The following ANO3 variants were observed in gnomAD, a reference collection of about 807,000 sequenced individuals.
ANO3 encodes anoctamin-3.
A neutral mutation model predicts 144.8 loss-of-function variants in ANO3; 99 were observed. The ratio of observed to expected loss-of-function variants is 0.68; its 90% CI spans 0.58 to 0.81. The LOEUF (loss-of-function observed/expected upper bound fraction) is 0.81, where lower values mean the gene tolerates loss of function less well. ANO3 is among the 30% of genes least tolerant of loss of function. ANO3 has a pLI of 0.00. For synonymous variants in ANO3, 414 were observed against 392.6 expected, an observed-to-expected ratio of 1.05 and a Z score of -0.64; for missense variants, 905 against 1,202.2, an observed-to-expected ratio of 0.75 and a Z score of 3.66.
chr11:26,437,298 G>A (rs957750388), intron 1 of ANO3, among the ~76,000 whole-genome samples: 5 of 152,162 alleles, frequency 3.3e-5, no homozygotes, highest in Non-Finnish European at 5.9e-5. Flanking sequence ...TGGCTGCTCT[G>A]CCGAGACTCC....
intron 1 of ANO3, among the ~76,000 whole-genome samples, chr11:26,378,349 A>G (rs372951667): frequency 2.7e-5 from 4 of 148,182 alleles, no homozygotes; most frequent in African/African-American, 7.4e-5. Flanking sequence ...GATTATATAT[A>G]TCTATAAATA....
At chr11:26,492,386 T>C (rs531272337) in intron 4 of ANO3, among the ~76,000 whole-genome samples, 1 of 152,332 alleles carries the variant, frequency 6.6e-6, no homozygotes, top group South Asian at 2.1e-4. Context: ...TAATGTCTGA[T>C]TAGTAGAACT....
chr11:26,471,151 G>A (rs978211901), intron 4 of ANO3, among the ~76,000 whole-genome samples: 4 of 152,036 alleles, frequency 2.6e-5, no homozygotes, highest in South Asian at 4.1e-4. Flanking sequence ...TAACAGAAAC[G>A]TTTATTGCCC....
At chr11:26,594,634 C>T (rs1345918299) in intron 14 of ANO3, among the ~76,000 whole-genome samples, 1 of 151,970 alleles carries the variant, frequency 6.6e-6, no homozygotes, top group Non-Finnish European at 1.5e-5. Context: ...CATTGTTTAC[C>T]CCTTTGTCTA....
intron 1 of ANO3, among the ~76,000 whole-genome samples, chr11:26,266,602 T>C (rs899764322): frequency 1.1e-4 from 16 of 151,492 alleles, no homozygotes; most frequent in Admixed American, 7.9e-4. Flanking sequence ...CCCCGGCTAA[T>C]TTTTGTATTT....
At chr11:26,212,513 C>T (rs1851955437) in intron 1 of ANO3, among the ~76,000 whole-genome samples, 1 of 151,984 alleles carries the variant, frequency 6.6e-6, no homozygotes, top group Non-Finnish European at 1.5e-5. Context: ...TACCTCTATG[C>T]AAATAAACTA....
chr11:26,656,592 G>A, intron 26 of ANO3, 111 bp downstream of exon 26: 1 of 715,716 alleles, frequency 1.4e-6, no homozygotes, highest in Non-Finnish European at 2.4e-6. Flanking sequence ...CACTTAAGTA[G>A]GTCCCGTAAA....
chr11:26,245,473 G>A (rs1348117834), intron 1 of ANO3, among the ~76,000 whole-genome samples: 1 of 152,042 alleles, frequency 6.6e-6, no homozygotes, highest in Non-Finnish European at 1.5e-5. Flanking sequence ...CTGTTTCTTA[G>A]ATTACTTTCT....
chr11:26,221,657 A>G (rs1434428161), intron 1 of ANO3, among the ~76,000 whole-genome samples: 1 of 152,212 alleles, frequency 6.6e-6, no homozygotes, highest in Non-Finnish European at 1.5e-5. Context: ...GAAGTATGGC[A>G]TTGGCATCTA....
At chr11:26,589,440 A>G (rs116637506) in intron 14 of ANO3, among the ~76,000 whole-genome samples, 6,198 of 151,422 alleles carry the variant, frequency 0.041, 150 homozygotes, top group Non-Finnish European at 0.049. Flanking sequence ...GTTTCTACAA[A>G]TAATTTATTG....
intron 1 of ANO3, among the ~76,000 whole-genome samples, chr11:26,378,164 A>G (rs1003174422): frequency 7.2e-5 from 11 of 151,860 alleles, no homozygotes; most frequent in Middle Eastern, 3.2e-3. Context: ...ACAATAATGT[A>G]TAATATCTTG....
chr11:26,386,873 T>C, intron 1 of ANO3, among the ~76,000 whole-genome samples: 1 of 152,124 alleles, frequency 6.6e-6, no homozygotes, highest in East Asian at 1.9e-4. Context: ...GTATGTAAAT[T>C]GTATGTAACG....
In ANO3 at chr11:26,662,208, C is replaced by G. The variant is rs903249961; in HGVS notation, c.*1764C>G. Reference sequence around the variant, plus strand: ...GTTTTTGTCAAGCATATTCACTTTCCTCCTTGTCCTCTGATTCTGAGCAAA... The same window carrying G: ...GTTTTTGTCAAGCATATTCACTTTCGTCCTTGTCCTCTGATTCTGAGCAAA... On this transcript the variant is annotated 3_prime_UTR_variant, in exon 27 of 27. Coordinates refer to ENST00000256737, the MANE Select transcript of ANO3 (RefSeq NM_031418.4). 1.3e-5 allele frequency: 2 copies of G among 151,930 alleles called. No homozygotes were observed. Among genetic ancestry groups the G allele is most frequent in the African/African-American group, 4.8e-5 (2 of 41,384 alleles). 9.4% of individuals were successfully genotyped at this position (151,930 alleles called of 1,614,324 possible).
intron 1 of ANO3, among the ~76,000 whole-genome samples, chr11:26,380,380 T>C (rs920763604): frequency 6.6e-6 from 1 of 152,204 alleles, no homozygotes; most frequent in African/African-American, 2.4e-5. Context: ...CATTGATCTA[T>C]TCTGGCTGCT....
upstream of ANO3, among the ~76,000 whole-genome samples, chr11:26,329,338 AGAGAGAGAG>A (rs950194999): frequency 6.6e-6 from 1 of 151,588 alleles, no homozygotes; most frequent in African/African-American, 2.4e-5. Flanking sequence ...AGAGAGAGAG[AGAGAGAGAG>A]GAATCTTTTT....
intron 6 of ANO3, among the ~76,000 whole-genome samples, chr11:26,523,140 T>C (rs1862151820): frequency 6.6e-6 from 1 of 152,010 alleles, no homozygotes; most frequent in South Asian, 2.1e-4. Context: ...TCCAAACACT[T>C]ATAAAACCCT....
intron 1 of ANO3, chr11:26,288,048 A>C (rs1564949803): frequency 6.6e-6 from 1 of 152,386 alleles, no homozygotes; most frequent in Non-Finnish European, 1.5e-5. Flanking sequence ...CACACTGTAG[A>C]GGGTAGACTA....
At chr11:26,496,928 A>G (rs1313345589) in intron 4 of ANO3, among the ~76,000 whole-genome samples, 1 of 150,490 alleles carries the variant, frequency 6.6e-6, no homozygotes, top group Non-Finnish European at 1.5e-5. Flanking sequence ...ATATAAAATC[A>G]ACCTAAGCAT....
chr11:26,594,716 C>A (rs560974130), intron 14 of ANO3, among the ~76,000 whole-genome samples: 1 of 152,166 alleles, frequency 6.6e-6, no homozygotes, highest in African/African-American at 2.4e-5. Context: ...AACACCAGGG[C>A]AGGGAGGTAG....
Sources: gnomAD v4.1 joint callset for allele counts (sites outside exome capture counted in the v4.1 genomes callset) on GRCh38, gnomAD v4.1.1 for gene constraint, MANE v1.5 for transcripts, NCBI Gene and HGNC (gene_info 2026-07-23, HGNC 2026-07-21) for gene names.